CERKL: variants seen among roughly 807,000 people sequenced by gnomAD.
The protein encoded by CERKL is CERK like autophagy regulator, also known as ceramide kinase-like protein.
A neutral mutation model predicts 63.4 loss-of-function variants in CERKL; 61 were observed. The observed-to-expected ratio is 0.96, with a 90% CI of 0.78 to 1.19. The LOEUF is 1.19. Ranked by LOEUF, CERKL falls within the 50% of genes most tolerant of loss-of-function variation. The probability of loss-of-function intolerance (pLI) is 0.00; values close to 1 mark genes in which losing one functional copy is unlikely to be tolerated. For missense variants in CERKL, 675 were observed against 655.5 expected (o/e 1.03, Z -0.33); for synonymous variants, 250 against 230.5 (o/e 1.08, Z -0.77).
chr2:181,624,705 C>T (rs1473148619), intron 1 of CERKL, among the ~76,000 whole-genome samples: 3 of 147,876 alleles, frequency 2.0e-5, no homozygotes, highest in Non-Finnish European at 4.5e-5. Context: ...GAAGAGGCAA[C>T]AGGATTTGTT....
intron 2 of CERKL, among the ~76,000 whole-genome samples, chr2:181,590,339 T>C (rs1376068418): frequency 2.0e-5 from 3 of 151,804 alleles, no homozygotes; most frequent in Admixed American, 6.6e-5. Context: ...AGGGTTTCAC[T>C]GTGTTGGTCA....
At chr2:181,542,860 G>C (rs1687571941) in intron 11 of CERKL, among the ~76,000 whole-genome samples, 1 of 152,030 alleles carries the variant, frequency 6.6e-6, no homozygotes, top group East Asian at 1.9e-4. Flanking sequence ...TATGTGTAAG[G>C]TAACCATTGC....
At chr2:181,575,480 T>C (rs2062352395) in intron 2 of CERKL, among the ~76,000 whole-genome samples, 1 of 152,204 alleles carries the variant, frequency 6.6e-6, no homozygotes, top group Admixed American at 6.5e-5. Context: ...AGAGGCTGGT[T>C]AACAGAGAAG....
intron 1 of CERKL, among the ~76,000 whole-genome samples, chr2:181,604,919 A>T (rs1170736619): frequency 6.6e-6 from 1 of 152,228 alleles, no homozygotes; most frequent in African/African-American, 2.4e-5. Flanking sequence ...TAGGTCAGAA[A>T]ATAATTATTG....
intron 1 of CERKL, among the ~76,000 whole-genome samples, chr2:181,653,020 G>T (rs62190012): frequency 0.27 from 41,064 of 152,076 alleles, 6,723 homozygotes; most frequent in Middle Eastern, 0.37. Flanking sequence ...TGATCTGCCC[G>T]CCTCGGCCTC....
intron 5 of CERKL, among the ~76,000 whole-genome samples, chr2:181,556,721 T>A (rs974593307): frequency 4.6e-5 from 7 of 152,238 alleles, no homozygotes; most frequent in Admixed American, 3.9e-4. Flanking sequence ...TATGTGCCTT[T>A]ATAGCAGTAT....
intron 1 of CERKL, among the ~76,000 whole-genome samples, chr2:181,639,674 C>A (rs1240495824): frequency 6.6e-6 from 1 of 152,148 alleles, no homozygotes; most frequent in East Asian, 1.9e-4. Context: ...ACTGGGGAAG[C>A]AACATAACCA....
chr2:181,617,493 GT>G (rs1686248872), intron 1 of CERKL: 1 of 152,140 alleles, frequency 6.6e-6, no homozygotes, highest in South Asian at 2.1e-4. Flanking sequence ...AAAATATAAA[GT>G]TTTGAGTAAA....
intron 1 of CERKL, among the ~76,000 whole-genome samples, chr2:181,630,156 C>A (rs1686891026): frequency 6.6e-6 from 1 of 152,058 alleles, no homozygotes; most frequent in Admixed American, 6.5e-5. Context: ...CTCAGCCTCA[C>A]CCTCTTGAGT....
At chr2:181,634,132 A>G (rs575168402) in intron 1 of CERKL, among the ~76,000 whole-genome samples, 1 of 152,204 alleles carries the variant, frequency 6.6e-6, no homozygotes, top group Non-Finnish European at 1.5e-5. Context: ...TCTCTGAATT[A>G]TGCCATAAAA....
chr2:181,590,072 T>C (rs917149499), intron 2 of CERKL, among the ~76,000 whole-genome samples: 2 of 152,094 alleles, frequency 1.3e-5, no homozygotes, highest in Admixed American at 6.6e-5. Flanking sequence ...TTCAACCACC[T>C]TGACCTCCCA....
chr2:181,624,169 C>T (rs925660491), intron 1 of CERKL, among the ~76,000 whole-genome samples: 4 of 152,146 alleles, frequency 2.6e-5, no homozygotes, highest in Admixed American at 1.3e-4. Flanking sequence ...ATATAGACTA[C>T]ATTAAGGACA....
chr2:181,600,508 G>C (rs903090619), intron 2 of CERKL, among the ~76,000 whole-genome samples: 1 of 152,064 alleles, frequency 6.6e-6, no homozygotes, highest in Non-Finnish European at 1.5e-5. Context: ...TCAAAGTGAA[G>C]GGATGGAGAA....
intron 5 of CERKL, among the ~76,000 whole-genome samples, chr2:181,554,931 G>C (rs1341518661): frequency 6.6e-6 from 1 of 152,080 alleles, no homozygotes; most frequent in East Asian, 1.9e-4. Context: ...GAATTAGAAT[G>C]CTAGAACTCC....
chr2:181,553,751 TA>T (rs1688088827), intron 5 of CERKL, among the ~76,000 whole-genome samples: 1 of 152,204 alleles, frequency 6.6e-6, no homozygotes, highest in Admixed American at 6.6e-5. Flanking sequence ...TCTTAGTCTT[TA>T]AATGTGGTTT....
At chr2:181,552,533 A>G (rs192977066) in intron 5 of CERKL, among the ~76,000 whole-genome samples, 207 of 152,268 alleles carry the variant, frequency 1.4e-3, no homozygotes, top group East Asian at 2.1e-3. Context: ...CTCCCCAGCC[A>G]TGCTGAACTG....
intron 3 of CERKL, among the ~76,000 whole-genome samples, chr2:181,567,871 CAG>C (rs891420245): frequency 5.3e-5 from 8 of 152,162 alleles, no homozygotes; most frequent in African/African-American, 1.9e-4. Flanking sequence ...GCCCTGGAAT[CAG>C]TGACAGCCAG....
chr2:181,587,459 A>G (rs1372048850), intron 2 of CERKL, among the ~76,000 whole-genome samples: 1 of 152,176 alleles, frequency 6.6e-6, no homozygotes, highest in Non-Finnish European at 1.5e-5. Context: ...TGTCATCCAT[A>G]TATCTTTATC....
chr2:181,639,284 T>A (rs1242669574), intron 1 of CERKL, among the ~76,000 whole-genome samples: 1 of 151,972 alleles, frequency 6.6e-6, no homozygotes. Flanking sequence ...GTGGGTAGAG[T>A]ATAGATGAAA....
Sources: allele counts gnomAD v4.1 joint callset (sites outside exome capture counted in the v4.1 genomes callset), GRCh38; gene constraint gnomAD v4.1.1; transcripts MANE v1.5; gene names NCBI Gene and HGNC (gene_info 2026-07-23, HGNC 2026-07-21).